Variants in SMARCA5 observed in about 807,000 individuals in gnomAD.
SMARCA5 encodes the protein SWI/SNF-related matrix-associated actin-dependent regulator of chromatin subfamily A member 5.
SMARCA5 carries 18 observed loss-of-function variants against 140.4 expected under a neutral mutation model. The ratio of observed to expected loss-of-function variants is 0.13; its 90% confidence interval spans 0.09 to 0.19. SMARCA5 has a LOEUF of 0.19. Ranked by LOEUF, SMARCA5 falls within the 10% of genes least tolerant of loss-of-function variation. SMARCA5 has a pLI of 1.00. For synonymous variants in SMARCA5, 449 were observed against 419.6 expected, an observed-to-expected ratio of 1.07 and a Z score of -0.86; for missense variants, 606 against 1,276.8, an observed-to-expected ratio of 0.47 and a Z score of 8.01.
chr4:143,516,883 G>A (rs764323553), intron 1 of SMARCA5, among the ~76,000 whole-genome samples: 4 of 152,120 alleles, frequency 2.6e-5, no homozygotes, highest in South Asian at 2.1e-4. Flanking sequence ...TTTAGGCTGC[G>A]AGATAAAGTT....
chr4:143,515,199 A>G (rs1578787933), intron 1 of SMARCA5, among the ~76,000 whole-genome samples: 1 of 152,174 alleles, frequency 6.6e-6, no homozygotes, highest in Admixed American at 6.5e-5. Context: ...AGCGTAATTT[A>G]CCATTGAGGC....
chr4:143,530,411 G>A (rs1737161399), intron 8 of SMARCA5, 47 bp from the exon 9 acceptor site: 1 of 1,253,620 alleles, frequency 8.0e-7, no homozygotes, highest in South Asian at 1.3e-5. Context: ...TAGGGTATTT[G>A]TTAATATTAT....
rs1000227481 is a variant in SMARCA5 at position 143,544,910 on chromosome 4, ATTC to A, written c.2283+66_2283+68del. 6.4e-6 allele frequency: 5 copies of A among 776,830 alleles called. No homozygotes were observed. The African/African-American group carries it at 7.2e-5, about 11-fold the overall frequency. 48.1% of individuals were successfully genotyped at this position (776,830 alleles called of 1,614,324 possible). A position where few individuals can be genotyped will look rare whatever the true frequency, so the allele number is the denominator to read the frequency against. ...TTTGAAAATGTAATTTTTTTCATAT[ATTC>A]TTGCAAAAAGATTGATAATTAGATT... On this transcript the variant is annotated intron_variant, in intron 17 of 23. Coordinates refer to ENST00000283131, the MANE Select transcript of SMARCA5 (RefSeq NM_003601.4).
intron 5 of SMARCA5, among the ~76,000 whole-genome samples, chr4:143,525,947 A>G (rs568863904): frequency 4.7e-4 from 72 of 152,350 alleles, no homozygotes; most frequent in Non-Finnish European, 8.4e-4. Flanking sequence ...AATGTTTAAA[A>G]AAGTTTCCTT....
intron 14 of SMARCA5, among the ~76,000 whole-genome samples, chr4:143,541,246 TTAA>T (rs1281597845): frequency 1.3e-5 from 2 of 152,210 alleles, no homozygotes; most frequent in Non-Finnish European, 2.9e-5. Context: ...GGTGGGAAAC[TTAA>T]TAATTTCAAG....
Position 143,513,859 on chromosome 4 carries a change from G to C in SMARCA5, c.-66G>C, listed in dbSNP as rs995512788. 2 of 1,502,058 alleles carry C rather than the reference G, an allele frequency of 1.3e-6. No individual in the cohort carries two copies. The highest frequency in any genetic ancestry group is 2.8e-5 in the African/African-American group (2 of 71,916). The allele number at this position is 1,502,058 out of a possible 1,614,324, so 93.0% of individuals were successfully genotyped here. On this transcript the variant is annotated 5_prime_UTR_variant, in exon 1 of 24. Coordinates refer to ENST00000283131, the MANE Select transcript of SMARCA5 (RefSeq NM_003601.4). ...TATTGCGACGTAGCATCCAGGCCTAGGCCTCCCCGTCCATCCCCGCCGGAC... is the reference window on the plus strand; with the variant it reads ...TATTGCGACGTAGCATCCAGGCCTACGCCTCCCCGTCCATCCCCGCCGGAC...
chr4:143,536,799 A>G (rs1248040233), intron 11 of SMARCA5, 121 bp downstream of exon 11: 5 of 693,928 alleles, frequency 7.2e-6, no homozygotes, highest in Admixed American at 2.6e-5. Flanking sequence ...TAGAACATTA[A>G]AAAAACCTGT....
chr4:143,541,590 T>C (rs1390462916), intron 14 of SMARCA5, among the ~76,000 whole-genome samples: 2 of 152,200 alleles, frequency 1.3e-5, no homozygotes, highest in African/African-American at 4.8e-5. Flanking sequence ...CAACTTGAGA[T>C]GTTAGCATCA....
In SMARCA5 at chr4:143,548,219, T is replaced by A. The variant is rs887239422; in HGVS notation, c.2985+79T>A. The A allele has an allele frequency of 5.0e-6, 4 of 794,136 alleles. No individual in the cohort carries two copies. In the African/African-American group the frequency reaches 7.0e-5, roughly 14 times the overall value. The allele number at this position is 794,136 out of a possible 1,614,324, so 49.2% of individuals were successfully genotyped here. A position where few individuals can be genotyped will look rare whatever the true frequency, so the allele number is the denominator to read the frequency against. ...TCTTTGGTATTCTTTAAGGTGACTTTAAAAAAATCTATGAAGTAGACTTTT... is the reference window on the plus strand; with the variant it reads ...TCTTTGGTATTCTTTAAGGTGACTTAAAAAAAATCTATGAAGTAGACTTTT... On this transcript the variant is annotated intron_variant, in intron 22 of 23. Transcript: ENST00000283131.
At chr4:143,514,126 A>C (rs1057248761) in intron 1 of SMARCA5, 25 bp downstream of exon 1, 8 of 1,495,652 alleles carry the variant, frequency 5.3e-6, no homozygotes, top group Non-Finnish European at 7.1e-6. Context: ...CGGCATGGGG[A>C]GCGGGTGCAG....
rs1425617631 is a variant in SMARCA5, at chr4:143,534,861, C to T, written c.1165C>T (p.Arg389Cys). ...TATTTTTGTCCTTTTTAAGGTTTTG[C>T]GTCCATTCCTCCTTCGTCGAATTAA... ...KLVERLHMVLRPFLLRRIKAD... is the reference protein window; with the variant it reads ...KLVERLHMVLCPFLLRRIKAD... The change falls in exon 10 of 24, where the codon CGT (arginine) becomes TGT (cysteine). Residue 389 changes from arginine (R) to cysteine (C), a missense_variant. Arg to Cys is a radical substitution (Grantham distance 180). Around this residue, in one of 10 missense-constraint regions of SMARCA5, gnomAD observed 25 missense variants for 108.7 expected, o/e 0.23. Transcript: ENST00000283131. The T allele has an allele frequency of 1.2e-6, 2 of 1,609,840 alleles. No homozygotes were observed. Among genetic ancestry groups the T allele is most frequent in the Non-Finnish European group, 1.7e-6 (2 of 1,178,128 alleles).
chr4:143,534,703 T>C (rs1262037592), intron 9 of SMARCA5, 152 bp from the exon 10 acceptor site: 3 of 561,818 alleles, frequency 5.3e-6, no homozygotes, highest in Non-Finnish European at 9.2e-6. Context: ...TACTGAGATA[T>C]GACTGTATTT....
chr4:143,547,411 C>T lies in SMARCA5; in HGVS notation c.2680C>T (p.Leu894Phe). The change falls in exon 21 of 24, where the codon CTC becomes TTC. Residue 894 changes from leucine to phenylalanine, a missense_variant. Around this residue, in one of 10 missense-constraint regions of SMARCA5, gnomAD observed 121 missense variants for 227.1 expected, o/e 0.53. Coordinates refer to ENST00000283131, the MANE Select transcript of SMARCA5 (RefSeq NM_003601.4). ...SAVFWERCNELQDIEKIMAQI... is the reference protein window; with the variant it reads ...SAVFWERCNEFQDIEKIMAQI... ...TGTGTTTTGGGAAAGGTGCAACGAG[C>T]TCCAGGACATAGAGAAGATTATGGC... The T allele has an allele frequency of 6.2e-7, 1 of 1,603,904 alleles. No homozygotes were observed. The highest frequency in any genetic ancestry group is 8.5e-7 in the Non-Finnish European group (1 of 1,171,796).
chr4:143,513,849 T>A lies in SMARCA5; in HGVS notation c.-76T>A. On this transcript the variant is annotated 5_prime_UTR_variant, in exon 1 of 24. Coordinates refer to ENST00000283131, the MANE Select transcript of SMARCA5 (RefSeq NM_003601.4). ...TCCACCAGTTTATTGCGACGTAGCA[T>A]CCAGGCCTAGGCCTCCCCGTCCATC... is the stretch of plus-strand genomic sequence containing the variant. 1 of 1,469,712 alleles carries A rather than the reference T, an allele frequency of 6.8e-7. No individual in the cohort carries two copies. Among genetic ancestry groups the A allele is most frequent in the Non-Finnish European group, 9.1e-7 (1 of 1,100,020 alleles). The allele number at this position is 1,469,712 out of a possible 1,614,324, so 91.0% of individuals were successfully genotyped here.
intron 4 of SMARCA5, 95 bp downstream of exon 4, chr4:143,524,562 A>G: frequency 1.4e-6 from 1 of 713,536 alleles, no homozygotes; most frequent in South Asian, 1.8e-5. Flanking sequence ...TTTGTGAAGC[A>G]AATTTTTAGT....
At chr4:143,521,893 C>CAAAAAA (rs58679947) in intron 3 of SMARCA5, among the ~76,000 whole-genome samples, 9 of 44,750 alleles carry the variant, frequency 2.0e-4, no homozygotes, top group African/African-American at 5.1e-4. Flanking sequence ...CCCATCTCTA[C>CAAAAAA]AAAAAAAAAA....
Position 143,528,725 on chromosome 4 carries a change from C to G in SMARCA5, c.1089+11C>G. On this transcript the variant is annotated intron_variant, in intron 8 of 23. Coordinates refer to ENST00000283131, the MANE Select transcript of SMARCA5 (RefSeq NM_003601.4). ...TTTAATTCAGCAGATGTAAGTATTT[C>G]CTGGTGCTTTCTGGTTAATAATAAT... The G allele has an allele frequency of 6.2e-7, 1 of 1,604,052 alleles. No homozygotes were observed. The highest frequency in any genetic ancestry group is 8.5e-7 in the Non-Finnish European group (1 of 1,176,624).
chr4:143,551,455 G>A (rs1172101740), intron 23 of SMARCA5, among the ~76,000 whole-genome samples: 3 of 151,934 alleles, frequency 2.0e-5, no homozygotes, highest in Non-Finnish European at 4.4e-5. Flanking sequence ...TGCCTGTGGG[G>A]TATTATTCAA....
chr4:143,550,176 G>C (rs938351288), intron 23 of SMARCA5, 72 bp downstream of exon 23: 1 of 819,642 alleles, frequency 1.2e-6, no homozygotes, highest in Non-Finnish European at 1.9e-6. Context: ...ACACTGCTTG[G>C]CTGTCATTGA....
Sources: gnomAD v4.1 joint callset for allele counts (sites outside exome capture counted in the v4.1 genomes callset) on GRCh38, gnomAD v4.1.1 for gene constraint, gnomAD v4.1.1 regional missense constraint, MANE v1.5 for transcripts, NCBI Gene and HGNC (gene_info 2026-07-23, HGNC 2026-07-21) for gene names.